The following PAQR5 variants were observed in gnomAD, a reference collection of about 807,000 sequenced individuals.
The protein encoded by PAQR5 is membrane progestin receptor gamma.
A neutral mutation model predicts 34.5 loss-of-function variants in PAQR5; 20 were observed. The observed-to-expected ratio is 0.58, with a 90% CI of 0.41 to 0.84. The LOEUF (loss-of-function observed/expected upper bound fraction) is 0.84. PAQR5 is among the 40% of genes least tolerant of loss of function. The probability of loss-of-function intolerance (pLI) is 0.00; values close to 1 mark genes in which losing one functional copy is unlikely to be tolerated. For missense variants in PAQR5, 378 were observed against 412.7 expected, an observed-to-expected ratio of 0.92 and a Z score of 0.73; for synonymous variants, 131 against 155.6, an observed-to-expected ratio of 0.84 and a Z score of 1.18.
intron 1 of PAQR5, among the ~76,000 whole-genome samples, chr15:69,318,444 C>T (rs2054003661): frequency 6.6e-6 from 1 of 152,226 alleles, no homozygotes; most frequent in African/African-American, 2.4e-5. Flanking sequence ...TCGTGGTCCA[C>T]TGGGTATGTC....
At chr15:69,371,280 A>G (rs989784828) in intron 3 of PAQR5, among the ~76,000 whole-genome samples, 1 of 152,210 alleles carries the variant, frequency 6.6e-6, no homozygotes. Flanking sequence ...AATGAATTAT[A>G]CATTTTTTCT....
chr15:69,382,680 A>G lies in PAQR5; in HGVS notation c.180-1997A>G, dbSNP rs1490970649. Among the ~76,000 whole-genome samples, 4 of 105,378 alleles carry G rather than the reference A, an allele frequency of 3.8e-5. No homozygotes were observed. In the Admixed American group the frequency reaches 3.9e-4, roughly 10 times the overall value. The allele number at this position is 105,378 out of a possible 152,430, so 69.1% of individuals were successfully genotyped here. A position where few individuals can be genotyped will look rare whatever the true frequency, so the allele number is the denominator to read the frequency against. Reference sequence around the variant, plus strand: ...AAAGCATATATATATATATATATATATATATATATATATATATATATATAT... The same window carrying G: ...AAAGCATATATATATATATATATATGTATATATATATATATATATATATAT... On this transcript the variant is annotated intron_variant, in intron 4 of 8. Coordinates refer to ENST00000395407, the MANE Select transcript of PAQR5 (RefSeq NM_017705.4).
intron 3 of PAQR5, among the ~76,000 whole-genome samples, chr15:69,363,953 G>A (rs1483164820): frequency 6.6e-6 from 1 of 152,104 alleles, no homozygotes; most frequent in African/African-American, 2.4e-5. Flanking sequence ...TGGACAGGAG[G>A]ATTCCCTGAG....
intron 6 of PAQR5, among the ~76,000 whole-genome samples, chr15:69,393,606 CT>C (rs1395892642): frequency 6.6e-6 from 1 of 152,174 alleles, no homozygotes; most frequent in Non-Finnish European, 1.5e-5. Flanking sequence ...GGCTCCACCC[CT>C]GCCTCTCCCT....
At chr15:69,374,842 C>G (rs1410287844) in intron 3 of PAQR5, among the ~76,000 whole-genome samples, 5 of 152,176 alleles carry the variant, frequency 3.3e-5, no homozygotes, top group South Asian at 2.1e-4. Context: ...ATACAAGGAA[C>G]TTCCTCTTCT....
At chr15:69,397,077 AAG>A (rs1442836727) in intron 6 of PAQR5, 2 of 429,340 alleles carry the variant, frequency 4.7e-6, no homozygotes, top group Admixed American at 4.9e-5. Context: ...TGTGCCCCCC[AAG>A]AGTCTGTGGC....
intron 1 of PAQR5, among the ~76,000 whole-genome samples, chr15:69,331,401 G>A (rs992143241): frequency 6.6e-6 from 1 of 152,180 alleles, no homozygotes; most frequent in Non-Finnish European, 1.5e-5. Flanking sequence ...TTTCTCAGAC[G>A]GAGAATAGGA....
rs1274299103 is a variant in PAQR5, at chr15:69,407,486, A to G, written c.*3664A>G. 1 of 152,182 alleles carries G rather than the reference A, an allele frequency of 6.6e-6. No homozygotes were observed. The highest frequency in any genetic ancestry group is 1.5e-5 in the Non-Finnish European group (1 of 68,046). The allele number at this position is 152,182 out of a possible 1,614,324, so 9.4% of individuals were successfully genotyped here. On this transcript the variant is annotated 3_prime_UTR_variant, in exon 9 of 9. Coordinates refer to ENST00000395407, the MANE Select transcript of PAQR5 (RefSeq NM_017705.4). Reference sequence around the variant, plus strand: ...TAACACGGTACAACAACACTTCAAAACATATTATTTGAATTTCGGCCTCTG... The same window carrying G: ...TAACACGGTACAACAACACTTCAAAGCATATTATTTGAATTTCGGCCTCTG...
chr15:69,368,257 T>A (rs2055456207), intron 3 of PAQR5, among the ~76,000 whole-genome samples: 1 of 152,236 alleles, frequency 6.6e-6, no homozygotes, highest in African/African-American at 2.4e-5. Context: ...TTCACCATGT[T>A]GGCCAGGCTG....
chr15:69,392,832 A>G (rs2140969098), intron 6 of PAQR5, among the ~76,000 whole-genome samples: 1 of 142,762 alleles, frequency 7.0e-6, no homozygotes, highest in South Asian at 2.6e-4. Context: ...CAGGACAAGG[A>G]TGAGGACTAC....
chr15:69,353,845 A>C (rs2054988903), intron 2 of PAQR5, among the ~76,000 whole-genome samples: 1 of 152,180 alleles, frequency 6.6e-6, no homozygotes, highest in Admixed American at 6.5e-5. Context: ...CAGGAGACAC[A>C]ACAATGATTC....
At chr15:69,310,810 G>A (rs12442102) in intron 1 of PAQR5, among the ~76,000 whole-genome samples, 7,917 of 151,792 alleles carry the variant, frequency 0.052, 420 homozygotes, top group East Asian at 0.15. Flanking sequence ...AGGCCAAGGC[G>A]GGTGGATCAT....
chr15:69,332,095 AAAACAGT>A (rs1442303284), intron 1 of PAQR5, among the ~76,000 whole-genome samples: 2 of 152,226 alleles, frequency 1.3e-5, no homozygotes, highest in Non-Finnish European at 2.9e-5. Flanking sequence ...CTGTCTGGGT[AAAACAGT>A]AAACTATTGG....
At chr15:69,305,773 C>A (rs930374889) in intron 1 of PAQR5, among the ~76,000 whole-genome samples, 3 of 152,130 alleles carry the variant, frequency 2.0e-5, no homozygotes, top group Non-Finnish European at 4.4e-5. Context: ...GCCGGCCTAC[C>A]CTGGGTTTTA....
chr15:69,319,584 G>T (rs2054047719), intron 1 of PAQR5, among the ~76,000 whole-genome samples: 1 of 152,054 alleles, frequency 6.6e-6, no homozygotes, highest in Non-Finnish European at 1.5e-5. Flanking sequence ...GTTCTGACAA[G>T]CCAGGTTTCT....
At chr15:69,310,769 T>C (rs1310850553) in intron 1 of PAQR5, among the ~76,000 whole-genome samples, 1 of 151,850 alleles carries the variant, frequency 6.6e-6, no homozygotes, top group Non-Finnish European at 1.5e-5. Flanking sequence ...CCAGGCGCGG[T>C]GGCTCATGCC....
intron 1 of PAQR5, among the ~76,000 whole-genome samples, chr15:69,319,350 C>G (rs2054041159): frequency 6.6e-6 from 1 of 151,110 alleles, no homozygotes; most frequent in African/African-American, 2.4e-5. Context: ...CTCTATGGGT[C>G]CCCAGCTCCT....
At chr15:69,347,886 C>T (rs1420359421) in intron 2 of PAQR5, among the ~76,000 whole-genome samples, 1 of 152,178 alleles carries the variant, frequency 6.6e-6, no homozygotes, top group Non-Finnish European at 1.5e-5. Context: ...TTCTAAATAC[C>T]ATAACATTGG....
intron 1 of PAQR5, among the ~76,000 whole-genome samples, chr15:69,321,264 A>G (rs1448034421): frequency 6.6e-6 from 1 of 152,186 alleles, no homozygotes; most frequent in Non-Finnish European, 1.5e-5. Flanking sequence ...GTTTTTTCTG[A>G]CATTGTTATT....
Sources: gnomAD v4.1 joint callset for allele counts (sites outside exome capture counted in the v4.1 genomes callset) on GRCh38, gnomAD v4.1.1 for gene constraint, MANE v1.5 for transcripts, NCBI Gene and HGNC (gene_info 2026-07-23, HGNC 2026-07-21) for gene names.